Variants in MSH3 observed in about 807,000 individuals in gnomAD.
The protein encoded by MSH3 is mutS homolog 3.
In MSH3, 106 loss-of-function variants were observed where a neutral mutation model predicts 123.3. That is an observed-to-expected ratio of 0.86 (90% CI 0.73 to 1.01). MSH3 has a LOEUF of 1.01. MSH3 is among the 50% of genes least tolerant of loss of function. The probability of loss-of-function intolerance (pLI) is 0.00; values close to 1 mark genes in which losing one functional copy is unlikely to be tolerated. For missense variants in MSH3, 1,459 were observed against 1,347.6 expected (o/e 1.08, Z -1.29); for synonymous variants, 515 against 481.4 (o/e 1.07, Z -0.91).
intron 22 of MSH3, among the ~76,000 whole-genome samples, chr5:80,867,019 G>A (rs1216548348): frequency 1.3e-5 from 2 of 152,124 alleles, no homozygotes; most frequent in Non-Finnish European, 2.9e-5. Context: ...GGAGCCCTTT[G>A]TCCTCCTGCT....
At chr5:80,799,999 C>T (rs1258603965) in intron 19 of MSH3, among the ~76,000 whole-genome samples, 1 of 152,230 alleles carries the variant, frequency 6.6e-6, no homozygotes, top group East Asian at 1.9e-4. Context: ...TCTTCCCCCA[C>T]AGAAGTTGAC....
intron 8 of MSH3, among the ~76,000 whole-genome samples, chr5:80,708,697 C>A (rs894110085): frequency 6.6e-6 from 1 of 152,006 alleles, no homozygotes; most frequent in Non-Finnish European, 1.5e-5. Context: ...GAAAAATGAC[C>A]TAGATTTTTA....
chr5:80,665,109 T>C (rs1183210689), intron 2 of MSH3, 34 bp from the exon 3 acceptor site: 2 of 1,560,284 alleles, frequency 1.3e-6, no homozygotes, highest in African/African-American at 1.4e-5. Context: ...CCAAAATTAC[T>C]ATTGTTCTGT....
At chr5:80,854,074 G>T (rs144128894) in intron 20 of MSH3, 56 bp from the exon 21 acceptor site, 2 of 1,362,528 alleles carry the variant, frequency 1.5e-6, no homozygotes, top group Admixed American at 1.7e-5. Flanking sequence ...AATAATGTTC[G>T]GCTTCCTAAT....
At chr5:80,760,052 A>T (rs975998690) in intron 12 of MSH3, among the ~76,000 whole-genome samples, 2 of 152,222 alleles carry the variant, frequency 1.3e-5, no homozygotes, top group Non-Finnish European at 2.9e-5. Context: ...GAAAGTCCTC[A>T]GTCTGATTGT....
At chr5:80,752,058 A>T (rs1190904591) in intron 12 of MSH3, among the ~76,000 whole-genome samples, 2 of 152,092 alleles carry the variant, frequency 1.3e-5, no homozygotes, top group Non-Finnish European at 2.9e-5. Flanking sequence ...TCTTTGACAA[A>T]TATCCTGGAC....
At chr5:80,722,846 C>T (rs1031152578) in intron 8 of MSH3, among the ~76,000 whole-genome samples, 2 of 152,250 alleles carry the variant, frequency 1.3e-5, no homozygotes, top group South Asian at 2.1e-4. Flanking sequence ...GGCTCACGCC[C>T]ATAATCCCAG....
chr5:80,752,232 T>C (rs1226068198), intron 12 of MSH3, among the ~76,000 whole-genome samples: 1 of 151,892 alleles, frequency 6.6e-6, no homozygotes, highest in Non-Finnish European at 1.5e-5. Context: ...CAAGGTGGAA[T>C]GGGAGAAGAG....
At chr5:80,659,696 T>C (rs1749384950) in intron 2 of MSH3, among the ~76,000 whole-genome samples, 1 of 152,204 alleles carries the variant, frequency 6.6e-6, no homozygotes, top group East Asian at 1.9e-4. Flanking sequence ...AGTACATTTA[T>C]ATTGTTATGC....
At chr5:80,813,947 G>A (rs1031255022) in intron 20 of MSH3, among the ~76,000 whole-genome samples, 5 of 152,038 alleles carry the variant, frequency 3.3e-5, no homozygotes, top group African/African-American at 1.2e-4. Flanking sequence ...GATCACTTGA[G>A]TCTAGGAGTT....
At chr5:80,707,033 C>T (rs761371257) in intron 8 of MSH3, among the ~76,000 whole-genome samples, 2 of 152,184 alleles carry the variant, frequency 1.3e-5, no homozygotes, top group East Asian at 1.9e-4. Context: ...GTTTTCTCCC[C>T]ACCTCCACCT....
At chr5:80,689,414 A>G (rs946479670) in intron 8 of MSH3, among the ~76,000 whole-genome samples, 2 of 152,148 alleles carry the variant, frequency 1.3e-5, no homozygotes, top group African/African-American at 4.8e-5. Context: ...GTTTGTTGTA[A>G]AAGTGAAAAA....
chr5:80,727,408 A>G (rs1254793184), intron 9 of MSH3, among the ~76,000 whole-genome samples: 1 of 152,224 alleles, frequency 6.6e-6, no homozygotes, highest in Admixed American at 6.5e-5. Context: ...CTTGTAATAT[A>G]TGTTTTTTTA....
chr5:80,748,809 AAAAG>A, intron 12 of MSH3, among the ~76,000 whole-genome samples: 1 of 152,028 alleles, frequency 6.6e-6, no homozygotes, highest in South Asian at 2.1e-4. Flanking sequence ...AGAGGAGAAA[AAAAG>A]AAAACCGTGA....
intron 10 of MSH3, among the ~76,000 whole-genome samples, chr5:80,736,640 G>A (rs1229592257): frequency 6.6e-6 from 1 of 152,170 alleles, no homozygotes; most frequent in Non-Finnish European, 1.5e-5. Flanking sequence ...ACACAGTGTG[G>A]TTTATGCTGA....
rs1744286516 is a variant in MSH3 at position 80,775,733 on chromosome 5, C to CT, written c.2293_2294insT (p.Pro765LeufsTer3). Reference sequence around the variant, plus strand: ...AAAGAACTCTGCTGTATCTTGTATACCAACTGATTGGGTAAAGGTTGGAAG... The same window carrying CT: ...AAAGAACTCTGCTGTATCTTGTATACTCAACTGATTGGGTAAAGGTTGGAAG... On this transcript the variant is annotated frameshift_variant, in exon 16 of 24. Coordinates refer to ENST00000265081, the MANE Select transcript of MSH3 (RefSeq NM_002439.5). LOFTEE classifies it high-confidence loss of function. 1 of 1,588,172 alleles carries CT rather than the reference C, an allele frequency of 6.3e-7. No individual in the cohort carries two copies. Among genetic ancestry groups the CT allele is most frequent in the Non-Finnish European group, 8.6e-7 (1 of 1,157,040 alleles).
intron 11 of MSH3, among the ~76,000 whole-genome samples, chr5:80,743,321 T>C (rs1743651262): frequency 6.6e-6 from 1 of 152,170 alleles, no homozygotes; most frequent in African/African-American, 2.4e-5. Flanking sequence ...GAGGAACCTT[T>C]GTGACCTTGT....
chr5:80,871,161 T>C (rs756638507), intron 22 of MSH3, among the ~76,000 whole-genome samples: 4 of 152,162 alleles, frequency 2.6e-5, no homozygotes, highest in Non-Finnish European at 4.4e-5. Context: ...GGCTGTGTTA[T>C]GGTCAAAAGG....
intron 20 of MSH3, among the ~76,000 whole-genome samples, chr5:80,838,174 A>G (rs1745552067): frequency 6.6e-6 from 1 of 152,240 alleles, no homozygotes; most frequent in Admixed American, 6.5e-5. Context: ...CAATAAGAGG[A>G]GGAAATTATC....
Sources: gnomAD v4.1 joint callset for allele counts (sites outside exome capture counted in the v4.1 genomes callset) on GRCh38, gnomAD v4.1.1 for gene constraint, MANE v1.5 for transcripts, NCBI Gene and HGNC (gene_info 2026-07-23, HGNC 2026-07-21) for gene names.